SESN1: variants seen among roughly 807,000 people sequenced by gnomAD.
The protein encoded by SESN1 is sestrin 1, also known as sestrin-1.
Under a neutral mutation model 59.3 loss-of-function variants are expected in SESN1, and 30 were observed. The observed-to-expected ratio is 0.51, with a 90% confidence interval of 0.38 to 0.69. The LOEUF is 0.69. Among genes scored for constraint, SESN1 ranks in the 30% least tolerant of loss-of-function variants. The probability of loss-of-function intolerance (pLI) is 0.00; values close to 1 mark genes in which losing one functional copy is unlikely to be tolerated. For synonymous variants in SESN1, 197 were observed against 219.9 expected (o/e 0.90, Z 0.92); for missense variants, 566 against 673.0 (o/e 0.84, Z 1.76).
chr6:109,038,845 A>T (rs1780286596), intron 1 of SESN1, among the ~76,000 whole-genome samples: 1 of 152,016 alleles, frequency 6.6e-6, no homozygotes, highest in South Asian at 2.1e-4. Context: ...AAAGAAAGGA[A>T]AAAGAAGAGC....
chr6:108,988,931 C>A (rs145355688), intron 8 of SESN1, among the ~76,000 whole-genome samples: 17 of 152,250 alleles, frequency 1.1e-4, no homozygotes, highest in African/African-American at 4.1e-4. Flanking sequence ...TTCCTGAAAG[C>A]TGACAATATT....
At chr6:109,085,517 A>T (rs975783988) in intron 1 of SESN1, among the ~76,000 whole-genome samples, 6 of 57,580 alleles carry the variant, frequency 1.0e-4, no homozygotes, top group African/African-American at 8.1e-4. Context: ...ACACTCCGTC[A>T]CACACACACA....
intron 5 of SESN1, among the ~76,000 whole-genome samples, chr6:108,997,068 T>C (rs1185914281): frequency 6.6e-6 from 1 of 152,166 alleles, no homozygotes; most frequent in African/African-American, 2.4e-5. Context: ...TTACCATTTG[T>C]ATCTGAAGAG....
At chr6:109,052,542 T>G (rs193074464) in intron 1 of SESN1, among the ~76,000 whole-genome samples, 44 of 152,326 alleles carry the variant, frequency 2.9e-4, no homozygotes, top group Admixed American at 2.0e-3. Context: ...AATGTTCACT[T>G]AAAGTTTTAA....
At chr6:109,058,644 G>C (rs1025861267) in intron 1 of SESN1, among the ~76,000 whole-genome samples, 1 of 152,172 alleles carries the variant, frequency 6.6e-6, no homozygotes, top group Non-Finnish European at 1.5e-5. Flanking sequence ...TGGCACAGAA[G>C]TAAAAGTAAT....
intron 1 of SESN1, among the ~76,000 whole-genome samples, chr6:109,072,240 T>TA (rs1260678963): frequency 6.6e-6 from 1 of 152,228 alleles, no homozygotes; most frequent in Admixed American, 6.5e-5. Context: ...AGGACCTAGC[T>TA]AGCTGTTAAG....
At chr6:109,060,747 T>A (rs75877770) in intron 1 of SESN1, among the ~76,000 whole-genome samples, 1 of 152,342 alleles carries the variant, frequency 6.6e-6, no homozygotes, top group African/African-American at 2.4e-5. Flanking sequence ...GTACTTAATA[T>A]GTCATGGAGC....
At chr6:109,070,973 T>C (rs966908364) in intron 1 of SESN1, among the ~76,000 whole-genome samples, 7 of 152,154 alleles carry the variant, frequency 4.6e-5, no homozygotes, top group Non-Finnish European at 1.0e-4. Flanking sequence ...GCTACCCAGG[T>C]AGGGAAGGAC....
chr6:108,997,429 A>C (rs866087718), intron 5 of SESN1, among the ~76,000 whole-genome samples: 1 of 152,346 alleles, frequency 6.6e-6, no homozygotes, highest in Middle Eastern at 3.4e-3. Flanking sequence ...GAATCTAGGC[A>C]GCTCAAAGGA....
In SESN1 at chr6:108,986,974, T is replaced by G. The variant is rs1451506306; in HGVS notation, c.*570A>C. The G allele has an allele frequency of 6.6e-6, 1 of 152,666 alleles. No homozygotes were observed. The highest frequency in any genetic ancestry group is 2.4e-5 in the African/African-American group (1 of 41,458). The allele number at this position is 152,666 out of a possible 1,614,324, so 9.5% of individuals were successfully genotyped here. A position where few individuals can be genotyped will look rare whatever the true frequency, so the allele number is the denominator to read the frequency against. Reference sequence around the variant, plus strand: ...AATGGTTGTTGCTGAGCTGTGTGAGTAGGAATTCTATGCTTTTTTAGATGC... The same window carrying G: ...AATGGTTGTTGCTGAGCTGTGTGAGGAGGAATTCTATGCTTTTTTAGATGC... On this transcript the variant is annotated 3_prime_UTR_variant, in exon 10 of 10. Coordinates refer to ENST00000436639, the MANE Select transcript of SESN1 (RefSeq NM_014454.3).
intron 1 of SESN1, among the ~76,000 whole-genome samples, chr6:109,055,420 T>G (rs538715374): frequency 6.6e-6 from 1 of 151,968 alleles, no homozygotes; most frequent in South Asian, 2.1e-4. Context: ...CCCAGCCCTT[T>G]GAGGGGCTGA....
intron 2 of SESN1, 37 bp from the exon 3 acceptor site, chr6:109,001,525 T>C (rs1779624962): frequency 6.4e-7 from 1 of 1,571,840 alleles, no homozygotes; most frequent in Non-Finnish European, 8.7e-7. Context: ...ACTGAAATGG[T>C]AAATTGGTGT....
intron 1 of SESN1, among the ~76,000 whole-genome samples, chr6:109,052,573 A>G (rs907585705): frequency 5.9e-5 from 9 of 152,178 alleles, no homozygotes; most frequent in Non-Finnish European, 1.3e-4. Flanking sequence ...TCCCAATGTT[A>G]TTGAAAATGA....
intron 1 of SESN1, among the ~76,000 whole-genome samples, chr6:109,019,030 C>G (rs1044110380): frequency 6.6e-6 from 1 of 151,960 alleles, no homozygotes; most frequent in African/African-American, 2.4e-5. Context: ...ATAAAATAGC[C>G]CCACTGTTTT....
At chr6:109,077,731 A>C (rs572458736) in intron 1 of SESN1, among the ~76,000 whole-genome samples, 2 of 152,160 alleles carry the variant, frequency 1.3e-5, no homozygotes, top group African/African-American at 4.8e-5. Flanking sequence ...GACTAAATAA[A>C]TCAGAAACTT....
intron 7 of SESN1, 143 bp from the exon 8 acceptor site, chr6:108,990,978 C>T: frequency 3.1e-6 from 2 of 641,560 alleles, no homozygotes; most frequent in Admixed American, 3.2e-5. Context: ...TTCACTTACA[C>T]TCCAATCTTT....
At chr6:109,015,053 T>G (rs531670113) in intron 1 of SESN1, among the ~76,000 whole-genome samples, 35 of 152,310 alleles carry the variant, frequency 2.3e-4, no homozygotes, top group African/African-American at 7.2e-4. Context: ...GAATGAACTC[T>G]GAAGAGATGT....
chr6:109,043,084 G>C (rs1344286860), intron 1 of SESN1, among the ~76,000 whole-genome samples: 1 of 152,046 alleles, frequency 6.6e-6, no homozygotes, highest in East Asian at 1.9e-4. Flanking sequence ...GGCTAAGGAA[G>C]AAAAACCATA....
chr6:109,005,115 T>G (rs1232502811), intron 1 of SESN1, among the ~76,000 whole-genome samples: 3 of 152,180 alleles, frequency 2.0e-5, no homozygotes, highest in African/African-American at 7.2e-5. Context: ...ATGCCATACG[T>G]AAAAGGATAA....
Sources: allele counts gnomAD v4.1 joint callset (sites outside exome capture counted in the v4.1 genomes callset), GRCh38; gene constraint gnomAD v4.1.1; transcripts MANE v1.5; gene names NCBI Gene and HGNC (gene_info 2026-07-23, HGNC 2026-07-21).